The following KCNU1 variants were observed in gnomAD, a reference collection of about 807,000 sequenced individuals.
The protein encoded by KCNU1 is potassium calcium-activated channel subfamily U member 1, also known as potassium channel subfamily U member 1.
A neutral mutation model predicts 126.8 loss-of-function variants in KCNU1; 93 were observed. The ratio of observed to expected loss-of-function variants is 0.73; its 90% confidence interval spans 0.62 to 0.87. KCNU1 has a LOEUF of 0.87. Among genes scored for constraint, KCNU1 ranks in the 40% least tolerant of loss-of-function variants. KCNU1 has a pLI of 0.00. For missense variants in KCNU1, 1,330 were observed against 1,367.1 expected (o/e 0.97, Z 0.43); for synonymous variants, 523 against 494.2 (o/e 1.06, Z -0.77).
intron 16 of KCNU1, among the ~76,000 whole-genome samples, chr8:36,845,339 G>A (rs1242296607): frequency 3.3e-5 from 5 of 152,156 alleles, no homozygotes; most frequent in East Asian, 1.9e-4. Context: ...CCGCAGGTCC[G>A]CTGTGTGTTC....
chr8:36,866,228 G>A (rs1398438524), intron 19 of KCNU1, among the ~76,000 whole-genome samples: 1 of 152,082 alleles, frequency 6.6e-6, no homozygotes, highest in African/African-American at 2.4e-5. Context: ...TCTTTTACTT[G>A]TACTTGGTTT....
intron 19 of KCNU1, among the ~76,000 whole-genome samples, chr8:36,872,194 T>G (rs1346130822): frequency 2.0e-5 from 3 of 152,142 alleles, no homozygotes; most frequent in Non-Finnish European, 4.4e-5. Context: ...AACAGAAGAA[T>G]AAAATATTAA....
At chr8:36,891,424 A>C (rs781261359) in intron 19 of KCNU1, among the ~76,000 whole-genome samples, 8 of 152,054 alleles carry the variant, frequency 5.3e-5, no homozygotes, top group Non-Finnish European at 1.0e-4. Context: ...TTGTATTTTA[A>C]GTCAGACAAG....
intron 24 of KCNU1, among the ~76,000 whole-genome samples, chr8:36,930,662 G>C (rs1255432049): frequency 6.6e-6 from 1 of 152,086 alleles, no homozygotes; most frequent in East Asian, 1.9e-4. Context: ...TTTGGGAAGA[G>C]GGGAATGCCT....
Position 36,850,536 on chromosome 8 carries a change from A to G in KCNU1, c.1891+4637A>G, listed in dbSNP as rs115684629. 6.2e-3 allele frequency among the ~76,000 whole-genome samples: 942 copies of G among 151,414 alleles called. 16 individuals are homozygous for G. The highest frequency in any genetic ancestry group is 0.022 in the African/African-American group (902 of 41,224). On this transcript the variant is annotated intron_variant, in intron 18 of 26. Coordinates refer to ENST00000399881, the MANE Select transcript of KCNU1 (RefSeq NM_001031836.3). ...CAGTGGTACAGTCATGGCTCACTAC[A>G]GCCTTGACCTCCTGGGTTCAGGAGA...
intron 25 of KCNU1, among the ~76,000 whole-genome samples, chr8:36,931,558 A>G (rs528850773): frequency 6.6e-6 from 1 of 152,150 alleles, no homozygotes; most frequent in East Asian, 1.9e-4. Flanking sequence ...ATGGATTTAT[A>G]TGGTAGGCAT....
At chr8:36,924,336 G>T (rs191021307) in intron 24 of KCNU1, among the ~76,000 whole-genome samples, 114 of 152,290 alleles carry the variant, frequency 7.5e-4, no homozygotes, top group African/African-American at 2.6e-3. Context: ...ACAGTGAGAG[G>T]CATCATGCCT....
At chr8:36,918,947 A>C in intron 23 of KCNU1, 50 bp downstream of exon 23, 1 of 1,136,376 alleles carries the variant, frequency 8.8e-7, no homozygotes, top group Non-Finnish European at 1.3e-6. Context: ...TTTGTGATAT[A>C]TAATTTATGT....
intron 2 of KCNU1, among the ~76,000 whole-genome samples, chr8:36,798,265 C>T (rs1387538559): frequency 3.9e-5 from 6 of 152,130 alleles, no homozygotes; most frequent in Admixed American, 6.5e-5. Flanking sequence ...GAGTCATGCC[C>T]TACAAACCAT....
chr8:36,789,665 A>G (rs1802836309), intron 2 of KCNU1, among the ~76,000 whole-genome samples: 1 of 152,228 alleles, frequency 6.6e-6, no homozygotes, highest in South Asian at 2.1e-4. Flanking sequence ...GAGGAATGCC[A>G]TGAGGGAAAT....
At position 36,849,040 on chromosome 8, in the gene KCNU1, T is replaced by C. The variant is rs184509974; in HGVS notation, c.1891+3141T>C. ...GTTTCTTTATACAAATAGAGTTGTG[T>C]AGTCATCACTACAATCAATTTTAGA... On this transcript the variant is annotated intron_variant, in intron 18 of 26. Transcript: ENST00000399881. 6.7e-3 allele frequency among the ~76,000 whole-genome samples: 1,026 copies of C among 152,218 alleles called. 5 individuals carry two copies. The highest frequency in any genetic ancestry group is 0.01 in the Middle Eastern group (3 of 294).
In KCNU1 at chr8:36,807,692, A is replaced by C. The variant is rs75537214; in HGVS notation, c.656+242A>C. On this transcript the variant is annotated intron_variant, in intron 6 of 26. Coordinates refer to ENST00000399881, the MANE Select transcript of KCNU1 (RefSeq NM_001031836.3). Reference sequence around the variant, plus strand: ...GTCTTTGTTTTTTAAGCTATGGTGTATAAGTTTATTTAGGTTTTAATTCTA... The same window carrying C: ...GTCTTTGTTTTTTAAGCTATGGTGTCTAAGTTTATTTAGGTTTTAATTCTA... Among the ~76,000 whole-genome samples, 1,072 of 151,882 alleles carry C rather than the reference A, an allele frequency of 7.1e-3. 8 individuals are homozygous for C. Among genetic ancestry groups the C allele is most frequent in the Non-Finnish European group, 0.011 (743 of 67,926 alleles).
chr8:36,889,344 T>TCATCATAAC (rs1439347743), intron 19 of KCNU1: 1 of 461,222 alleles, frequency 2.2e-6, no homozygotes, highest in Non-Finnish European at 4.5e-6. Context: ...CTATCACCTG[T>TCATCATAAC]CATCATAACT....
chr8:36,798,387 C>T (rs1331659682), intron 2 of KCNU1, among the ~76,000 whole-genome samples: 1 of 152,154 alleles, frequency 6.6e-6, no homozygotes, highest in Non-Finnish European at 1.5e-5. Context: ...TACCCCAAAA[C>T]ATGTTTATTT....
At chr8:36,875,616 A>G (rs572768447) in intron 19 of KCNU1, among the ~76,000 whole-genome samples, 1 of 152,152 alleles carries the variant, frequency 6.6e-6, no homozygotes, top group South Asian at 2.1e-4. Context: ...CAAAATAAAA[A>G]TGTCCAGTTT....
At chr8:36,877,186 A>G (rs1224506811) in intron 19 of KCNU1, among the ~76,000 whole-genome samples, 1 of 152,154 alleles carries the variant, frequency 6.6e-6, no homozygotes, top group Non-Finnish European at 1.5e-5. Context: ...CAGTTGGGGT[A>G]AGGATTCATA....
intron 24 of KCNU1, among the ~76,000 whole-genome samples, chr8:36,924,408 C>G (rs1487918169): frequency 6.6e-6 from 1 of 152,194 alleles, no homozygotes; most frequent in African/African-American, 2.4e-5. Flanking sequence ...TGGGCATATC[C>G]ACTCCCTCCC....
At chr8:36,804,994 G>A (rs560027606) in intron 3 of KCNU1, among the ~76,000 whole-genome samples, 1 of 152,112 alleles carries the variant, frequency 6.6e-6, no homozygotes, top group African/African-American at 2.4e-5. Flanking sequence ...CTTATTTCCA[G>A]TGCTATTGGC....
intron 19 of KCNU1, among the ~76,000 whole-genome samples, chr8:36,874,451 A>T (rs1263881192): frequency 1.3e-5 from 2 of 152,134 alleles, no homozygotes; most frequent in Admixed American, 6.5e-5. Context: ...ACAGGGTCAT[A>T]GTGGGAACGC....
Sources: gnomAD v4.1 joint callset for allele counts (sites outside exome capture counted in the v4.1 genomes callset) on GRCh38, gnomAD v4.1.1 for gene constraint, MANE v1.5 for transcripts, NCBI Gene and HGNC (gene_info 2026-07-23, HGNC 2026-07-21) for gene names.